The following CAST variants were observed in gnomAD, a reference collection of about 807,000 sequenced individuals.
The protein encoded by CAST is calpastatin, also known as MIR583 host.
A neutral mutation model predicts 119.6 loss-of-function variants in CAST; 76 were observed. The observed-to-expected ratio is 0.64, with a 90% confidence interval of 0.53 to 0.77. The LOEUF is 0.77. Ranked by LOEUF, CAST falls within the 30% of genes least tolerant of loss-of-function variation. The pLI, the probability that CAST is intolerant of heterozygous loss-of-function variation, is 0.00. For synonymous variants in CAST, 319 were observed against 331.6 expected, an observed-to-expected ratio of 0.96 and a Z score of 0.41; for missense variants, 953 against 946.5, an observed-to-expected ratio of 1.01 and a Z score of -0.09.
intron 1 of CAST, among the ~76,000 whole-genome samples, chr5:96,537,206 C>T (rs1300926461): frequency 6.6e-6 from 1 of 152,244 alleles, no homozygotes; most frequent in South Asian, 2.1e-4. Context: ...ATCCTCTTCA[C>T]CCAACTCAGT....
the CAST span, among the ~76,000 whole-genome samples, chr5:96,037,621 G>T: frequency 6.6e-6 from 1 of 152,100 alleles, no homozygotes; most frequent in Non-Finnish European, 1.5e-5. Flanking sequence ...TGCTAGGTTG[G>T]CAGTTAATAT....
the CAST span, among the ~76,000 whole-genome samples, chr5:95,998,428 G>A: frequency 2.0e-5 from 3 of 151,938 alleles, no homozygotes; most frequent in African/African-American, 4.8e-5. Context: ...CCCACCTTTT[G>A]TAGACTCCAG....
At chr5:96,608,998 G>A (rs1747310399) in intron 1 of CAST, among the ~76,000 whole-genome samples, 1 of 152,146 alleles carries the variant, frequency 6.6e-6, no homozygotes, top group African/African-American at 2.4e-5. Context: ...TGAGATTTGA[G>A]CAGGGACACA....
the CAST span, among the ~76,000 whole-genome samples, chr5:96,000,797 C>A: frequency 6.6e-5 from 10 of 152,178 alleles, no homozygotes; most frequent in African/African-American, 2.2e-4. Flanking sequence ...AGGTATATCT[C>A]AAAAAATTTA....
the CAST span, among the ~76,000 whole-genome samples, chr5:96,172,996 G>A: frequency 2.4e-4 from 37 of 152,296 alleles, no homozygotes; most frequent in South Asian, 6.8e-3. Flanking sequence ...TAAATGTTAG[G>A]TGGTTCCTGG....
the CAST span, chr5:96,408,453 T>C: frequency 2.8e-6 from 2 of 710,940 alleles, no homozygotes; most frequent in East Asian, 5.4e-5. Context: ...ATTGCCTACT[T>C]TCTCCTCTAA....
At chr5:96,662,866 C>A (rs992716313) in intron 1 of CAST, 1 of 567,282 alleles carries the variant, frequency 1.8e-6, no homozygotes, top group African/African-American at 2.0e-5. Flanking sequence ...GTCTTCCGCG[C>A]TAAGGCCGGG....
At chr5:96,765,915 T>A in intron 26 of CAST, 138 bp from the exon 27 acceptor site, 1 of 585,208 alleles carries the variant, frequency 1.7e-6, no homozygotes, top group Non-Finnish European at 3.1e-6. Flanking sequence ...TGTGTTGTTC[T>A]GTTGCTTAAA....
chr5:96,212,400 T>C, the CAST span, among the ~76,000 whole-genome samples: 2 of 152,180 alleles, frequency 1.3e-5, no homozygotes, highest in African/African-American at 4.8e-5. Context: ...TGTTTATCAT[T>C]CTGTTGTTGA....
chr5:96,565,416 TA>T (rs758324580), intron 1 of CAST, among the ~76,000 whole-genome samples: 3 of 152,106 alleles, frequency 2.0e-5, no homozygotes, highest in Non-Finnish European at 4.4e-5. Flanking sequence ...AATAAAAAGA[TA>T]AAACAAGTAG....
At chr5:96,611,275 A>G (rs1172765336) in intron 1 of CAST, among the ~76,000 whole-genome samples, 1 of 152,220 alleles carries the variant, frequency 6.6e-6, no homozygotes, top group Non-Finnish European at 1.5e-5. Flanking sequence ...GACCCATGTA[A>G]CAGAATGCAG....
chr5:96,109,421 A>T, the CAST span, among the ~76,000 whole-genome samples: 1 of 152,266 alleles, frequency 6.6e-6, no homozygotes, highest in African/African-American at 2.4e-5. Flanking sequence ...GAAAGCCATT[A>T]CAATTTTTTC....
chr5:96,630,449 C>T (rs1362608862), intron 1 of CAST, among the ~76,000 whole-genome samples: 2 of 152,114 alleles, frequency 1.3e-5, no homozygotes, highest in East Asian at 3.9e-4. Context: ...CATTAAAATA[C>T]AGGAGGGAAG....
the CAST span, among the ~76,000 whole-genome samples, chr5:96,356,181 G>A: frequency 6.6e-6 from 1 of 152,052 alleles, no homozygotes; most frequent in Non-Finnish European, 1.5e-5. Flanking sequence ...TTTTGATGGG[G>A]TTATTTTATT....
chr5:96,382,028 G>A, the CAST span, among the ~76,000 whole-genome samples: 1 of 152,112 alleles, frequency 6.6e-6, no homozygotes, highest in Non-Finnish European at 1.5e-5. Context: ...AGCTGACATT[G>A]AACATAAAAA....
At chr5:96,632,807 A>T (rs1442858509) in intron 1 of CAST, among the ~76,000 whole-genome samples, 1 of 152,188 alleles carries the variant, frequency 6.6e-6, no homozygotes, top group Non-Finnish European at 1.5e-5. Flanking sequence ...TATCTGTATG[A>T]CAGTAGCACG....
At chr5:96,665,215 G>A (rs1292952697) in intron 1 of CAST, among the ~76,000 whole-genome samples, 11 of 152,104 alleles carry the variant, frequency 7.2e-5, no homozygotes, top group African/African-American at 1.4e-4. Flanking sequence ...TGTGAGCCAC[G>A]TCTGCAATTT....
chr5:96,542,106 C>A (rs921162079), intron 1 of CAST, among the ~76,000 whole-genome samples: 1 of 151,964 alleles, frequency 6.6e-6, no homozygotes, highest in African/African-American at 2.4e-5. Flanking sequence ...GTCAGGAGAT[C>A]GAGACCATCC....
intron 1 of CAST, among the ~76,000 whole-genome samples, chr5:96,674,770 A>G (rs246109): frequency 0.046 from 6,958 of 152,280 alleles, 434 homozygotes; most frequent in East Asian, 0.3. Context: ...TACAGTTAAC[A>G]GTAATGTATT....
Sources: gnomAD v4.1 joint callset for allele counts (sites outside exome capture counted in the v4.1 genomes callset) on GRCh38, gnomAD v4.1.1 for gene constraint, MANE v1.5 for transcripts, NCBI Gene and HGNC (gene_info 2026-07-23, HGNC 2026-07-21) for gene names.